ZDHHC20: variants seen among roughly 807,000 people sequenced by gnomAD.
The protein encoded by ZDHHC20 is zDHHC palmitoyltransferase 20.
ZDHHC20 carries 43 observed loss-of-function variants against 57.8 expected under a neutral mutation model. That is an observed-to-expected ratio of 0.74 (90% CI 0.58 to 0.96). The LOEUF (loss-of-function observed/expected upper bound fraction) is 0.96, where lower values mean the gene tolerates loss of function less well. Ranked by LOEUF, ZDHHC20 falls within the 40% of genes least tolerant of loss-of-function variation. The pLI is 0.00. For missense variants in ZDHHC20, 391 were observed against 441.1 expected, an observed-to-expected ratio of 0.89 and a Z score of 1.02; for synonymous variants, 157 against 153.0, an observed-to-expected ratio of 1.03 and a Z score of -0.19.
At chr13:21,409,674 G>A (rs1446758593) in intron 4 of ZDHHC20, among the ~76,000 whole-genome samples, 1 of 151,812 alleles carries the variant, frequency 6.6e-6, no homozygotes, top group Non-Finnish European at 1.5e-5. Flanking sequence ...CTACTTGATC[G>A]ATTCAGCTAT....
intron 7 of ZDHHC20, among the ~76,000 whole-genome samples, chr13:21,393,189 CTTTTTTT>C (rs544664779): frequency 9.9e-5 from 13 of 131,530 alleles, no homozygotes; most frequent in East Asian, 6.2e-4. Context: ...TTTCTTTTTT[CTTTTTTT>C]TTTTTTTTAA....
intron 1 of ZDHHC20, among the ~76,000 whole-genome samples, chr13:21,444,299 T>C (rs1304220074): frequency 1.3e-5 from 2 of 152,178 alleles, no homozygotes; most frequent in Non-Finnish European, 2.9e-5. Context: ...TACATCAACA[T>C]AGAAACTAGT....
intron 1 of ZDHHC20, among the ~76,000 whole-genome samples, chr13:21,443,907 A>G (rs151117796): frequency 0.013 from 1,993 of 152,332 alleles, 17 homozygotes; most frequent in Non-Finnish European, 0.017. Flanking sequence ...TCACACCTGT[A>G]ATTCCTGCAG....
rs1300401305 is a variant in ZDHHC20, at chr13:21,447,713, G to A, written c.118+11341C>T. ...TCTGCCCGGCCGCCACCCCGTCTGG[G>A]AAGTGAGGAGTGTCTCTGCCTGGCC... On this transcript the variant is annotated intron_variant, in intron 1 of 12. Transcript: ENST00000400590. Among the ~76,000 whole-genome samples, 9 of 110,274 alleles carry A rather than the reference G, an allele frequency of 8.2e-5. No homozygotes were observed. The South Asian group carries it at 2.0e-3, about 24-fold the overall frequency. 72.3% of individuals were successfully genotyped at this position (110,274 alleles called of 152,430 possible).
chr13:21,424,166 A>G (rs561833625), intron 2 of ZDHHC20, among the ~76,000 whole-genome samples: 8 of 152,326 alleles, frequency 5.3e-5, no homozygotes, highest in Admixed American at 4.6e-4. Flanking sequence ...AGAGTAACAG[A>G]AAACAATGCT....
chr13:21,382,217 T>A (rs887034465), intron 10 of ZDHHC20, among the ~76,000 whole-genome samples: 1 of 152,218 alleles, frequency 6.6e-6, no homozygotes, highest in Non-Finnish European at 1.5e-5. Context: ...CCCTAACAAA[T>A]GTTAGAGCTC....
chr13:21,421,040 A>G lies in ZDHHC20; in HGVS notation c.249+21T>C, dbSNP rs968828266. The stretch of plus-strand genomic sequence containing the variant: ...CCATAATCAGTTAAAACATTTGGTA[A>G]TTTACCAACATTAAATTTACCTCTT... On this transcript the variant is annotated intron_variant, in intron 3 of 12. Transcript: ENST00000400590. 4 of 1,590,868 alleles carry G rather than the reference A, an allele frequency of 2.5e-6. No homozygotes were observed. In the East Asian group the frequency reaches 9.0e-5, roughly 36 times the overall value.
intron 1 of ZDHHC20, among the ~76,000 whole-genome samples, chr13:21,440,583 C>CAAAA (rs1883036980): frequency 6.6e-6 from 1 of 152,010 alleles, no homozygotes; most frequent in Admixed American, 6.6e-5. Flanking sequence ...TGCACTCCAG[C>CAAAA]CTGGGTGACA....
Position 21,391,845 on chromosome 13 carries a change from T to A in ZDHHC20, c.604A>T (p.Thr202Ser). Residue 202 changes from threonine to serine, a missense_variant, in exon 8 of 13, where the codon ACA becomes TCA. Coordinates refer to ENST00000400590, the MANE Select transcript of ZDHHC20 (RefSeq NM_001330059.2). ...YFIKFWTNEL[T>S]DTRAKFHVLF... ...ACGTGGAATTTTGCACGTGTATCTG[T>A]CAGTTCATTCTGAGGAAAAAAAGAA... The A allele has an allele frequency of 6.2e-7, 1 of 1,610,148 alleles. No individual in the cohort carries two copies. The highest frequency in any genetic ancestry group is 1.7e-5 in the Admixed American group (1 of 59,168).
At chr13:21,400,631 T>C in intron 6 of ZDHHC20, 138 bp from the exon 7 acceptor site, 2 of 825,638 alleles carry the variant, frequency 2.4e-6, no homozygotes, top group Non-Finnish European at 3.8e-6. Flanking sequence ...AATTTCAGTT[T>C]TGCAGGATGA....
intron 8 of ZDHHC20, among the ~76,000 whole-genome samples, chr13:21,390,815 GC>G (rs546724901): frequency 9.3e-4 from 141 of 151,822 alleles, no homozygotes; most frequent in African/African-American, 3.2e-3. Flanking sequence ...TGGGAACACT[GC>G]TTAAGTCCAG....
At chr13:21,441,549 CTTTTTTTTTTT>C (rs397851910) in intron 1 of ZDHHC20, among the ~76,000 whole-genome samples, 77 of 65,342 alleles carry the variant, frequency 1.2e-3, no homozygotes, top group Non-Finnish European at 1.8e-3. Context: ...CCACGCCCGG[CTTTTTTTTTTT>C]TTTTTTTTTT....
At chr13:21,400,780 G>A (rs976844209) in intron 6 of ZDHHC20, among the ~76,000 whole-genome samples, 2 of 151,454 alleles carry the variant, frequency 1.3e-5, no homozygotes, top group South Asian at 4.2e-4. Flanking sequence ...GCACAATCTC[G>A]GCTCACTGCA....
chr13:21,449,557 C>A (rs1479592199), intron 1 of ZDHHC20, among the ~76,000 whole-genome samples: 3 of 151,994 alleles, frequency 2.0e-5, no homozygotes, highest in African/African-American at 7.3e-5. Context: ...TTCTACTGGC[C>A]AAAGCAAGTA....
intron 1 of ZDHHC20, among the ~76,000 whole-genome samples, chr13:21,430,359 T>C (rs1402737962): frequency 3.3e-5 from 5 of 151,924 alleles, no homozygotes; most frequent in Non-Finnish European, 5.9e-5. Context: ...TAGCCTCCAT[T>C]GACACCATGA....
At chr13:21,432,885 G>A (rs1417713772) in intron 1 of ZDHHC20, among the ~76,000 whole-genome samples, 2 of 152,136 alleles carry the variant, frequency 1.3e-5, no homozygotes, top group Non-Finnish European at 2.9e-5. Flanking sequence ...ATAACTATTT[G>A]TTCTTCATTA....
At position 21,452,254 on chromosome 13, in the gene ZDHHC20, T is replaced by C. The variant is rs186644868; in HGVS notation, c.118+6800A>G. ...GAGGGATCTTAATGTGCGACAGAAATTTTCAAAAAACGGATTGTTGTGATG... is the reference window on the plus strand; with the variant it reads ...GAGGGATCTTAATGTGCGACAGAAACTTTCAAAAAACGGATTGTTGTGATG... On this transcript the variant is annotated intron_variant, in intron 1 of 12. Transcript: ENST00000400590. Among the ~76,000 whole-genome samples the C allele has an allele frequency of 2.2e-3, 332 of 152,108 alleles. 5 individuals carry two copies. Among genetic ancestry groups the C allele is most frequent in the Non-Finnish European group, 6.6e-4 (45 of 67,994 alleles).
intron 1 of ZDHHC20, among the ~76,000 whole-genome samples, chr13:21,445,687 C>G (rs1263125938): frequency 6.6e-6 from 1 of 152,210 alleles, no homozygotes; most frequent in Non-Finnish European, 1.5e-5. Context: ...ACAATCAATT[C>G]ACTCATTCAA....
chr13:21,406,138 C>A (rs1878409089), intron 4 of ZDHHC20, among the ~76,000 whole-genome samples: 2 of 152,182 alleles, frequency 1.3e-5, no homozygotes, highest in Non-Finnish European at 1.5e-5. Context: ...CAGCCATAAA[C>A]CCCTGCTGCC....
Sources: allele counts gnomAD v4.1 joint callset (sites outside exome capture counted in the v4.1 genomes callset), GRCh38; gene constraint gnomAD v4.1.1; transcripts MANE v1.5; gene names NCBI Gene and HGNC (gene_info 2026-07-23, HGNC 2026-07-21).